The following FRA10AC1 variants were observed in gnomAD, a reference collection of about 807,000 sequenced individuals.
FRA10AC1 encodes protein FRA10AC1.
FRA10AC1 carries 43 observed loss-of-function variants against 56.5 expected under a neutral mutation model. The observed-to-expected ratio is 0.76, with a 90% confidence interval of 0.60 to 0.98. The LOEUF is 0.98. Among genes scored for constraint, FRA10AC1 ranks in the 50% least tolerant of loss-of-function variants. FRA10AC1 has a pLI of 0.00. For missense variants in FRA10AC1, 346 were observed against 351.8 expected, an observed-to-expected ratio of 0.98 and a Z score of 0.13; for synonymous variants, 112 against 110.5, an observed-to-expected ratio of 1.01 and a Z score of -0.09.
chr10:93,679,943 C>G (rs12780219), intron 11 of FRA10AC1, among the ~76,000 whole-genome samples: 61,763 of 151,914 alleles, frequency 0.41, 14,686 homozygotes, highest in Non-Finnish European at 0.52. Context: ...AGGATAATCC[C>G]CAGATTTCTG....
At chr10:93,684,694 A>G (rs1589720644) in intron 9 of FRA10AC1, among the ~76,000 whole-genome samples, 2 of 152,162 alleles carry the variant, frequency 1.3e-5, no homozygotes, top group East Asian at 3.8e-4. Context: ...CTAGAGGAAC[A>G]GCTGACACAT....
Position 93,692,646 on chromosome 10 carries a change from C to T in FRA10AC1, c.380G>A (p.Trp127Ter). ...WNEEDEMDMT[W>*]EKRLAKKYYD... The stretch of plus-strand genomic sequence containing the variant: ...CATTACGCCTCTGATGGCTAATTAC[C>T]AAGTCATGTCCATTTCGTCCTCCTC... Residue 127 changes from tryptophan (W) to a stop codon, truncating the protein, a stop_gained and splice_region_variant, in exon 6 of 14, where the codon TGG becomes TAG. Coordinates refer to ENST00000359204, the MANE Select transcript of FRA10AC1 (RefSeq NM_145246.5). LOFTEE classifies it high-confidence loss of function. 1 of 1,579,902 alleles carries T rather than the reference C, an allele frequency of 6.3e-7. No individual in the cohort carries two copies. Among genetic ancestry groups the T allele is most frequent in the South Asian group, 1.1e-5 (1 of 88,154 alleles).
At chr10:93,693,200 C>A (rs2059153242) in intron 5 of FRA10AC1, among the ~76,000 whole-genome samples, 3 of 143,438 alleles carry the variant, frequency 2.1e-5, no homozygotes, top group African/African-American at 5.2e-5. Flanking sequence ...AAAATGCTAA[C>A]AGTCTGGGGG....
rs2058707677 is a variant in FRA10AC1, at chr10:93,668,017, C to A, written c.*1809G>T. The A allele has an allele frequency of 6.6e-6, 1 of 152,148 alleles. No individual in the cohort carries two copies. Among genetic ancestry groups the A allele is most frequent in the African/African-American group, 2.4e-5 (1 of 41,416 alleles). The allele number at this position is 152,148 out of a possible 1,614,324, so 9.4% of individuals were successfully genotyped here. ...TGCATAATTACTTCCTAGATGGTTC[C>A]TTTACAGCCATGCCCAGCTCAGTGC... is the stretch of plus-strand genomic sequence containing the variant. On this transcript the variant is annotated 3_prime_UTR_variant, in exon 14 of 14. Transcript: ENST00000359204.
rs142701344 is a variant in FRA10AC1 at position 93,698,178 on chromosome 10, T to C, written c.177A>G (p.Glu59=). Residue 59 remains glutamate, a synonymous_variant, in exon 4 of 14, where the codon GAA becomes GAG. Coordinates refer to ENST00000359204, the MANE Select transcript of FRA10AC1 (RefSeq NM_145246.5). ...GATGAAACCTTCTATTTCTTGCTTCTTCCCTGTTAAAACAAATTTTTTTAA... is the reference window on the plus strand; with the variant it reads ...GATGAAACCTTCTATTTCTTGCTTCCTCCCTGTTAAAACAAATTTTTTTAA... ...KQVAAELLDR[E]EARNRRFHLI... is the part of the protein sequence containing the mutation. The C allele has an allele frequency of 2.5e-5, 39 of 1,583,782 alleles. No homozygotes were observed. The highest frequency in any genetic ancestry group is 3.2e-5 in the Non-Finnish European group (37 of 1,161,688).
In FRA10AC1 at chr10:93,668,971, T is replaced by C. The variant is rs1421724040; in HGVS notation, c.*855A>G. On this transcript the variant is annotated 3_prime_UTR_variant, in exon 14 of 14. Transcript: ENST00000359204. ...TTAAATTATCTTACTGCATAATCTC[T>C]GCCGGGGAGGCAATTTTTGTGAACA... The C allele has an allele frequency of 5.9e-5, 9 of 152,184 alleles. No homozygotes were observed. Among genetic ancestry groups the C allele is most frequent in the Admixed American group, 2.6e-4 (4 of 15,272 alleles). The allele number at this position is 152,184 out of a possible 1,614,324, so 9.4% of individuals were successfully genotyped here. A position where few individuals can be genotyped will look rare whatever the true frequency, so the allele number is the denominator to read the frequency against.
chr10:93,674,762 A>G (rs987135823), intron 12 of FRA10AC1: 13 of 152,158 alleles, frequency 8.5e-5, no homozygotes, highest in Non-Finnish European at 1.5e-5. Context: ...GAATAATATA[A>G]ATCAGTGATT....
chr10:93,685,558 C>A, intron 8 of FRA10AC1, 199 bp from the exon 9 acceptor site: 5 of 393,486 alleles, frequency 1.3e-5, no homozygotes, highest in East Asian at 4.7e-5. Context: ...AAATCAGTCA[C>A]AGAATTCTTG....
chr10:93,679,593 G>T (rs562678152), intron 11 of FRA10AC1, among the ~76,000 whole-genome samples: 1 of 152,138 alleles, frequency 6.6e-6, no homozygotes, highest in Non-Finnish European at 1.5e-5. Context: ...AGGCTACATG[G>T]GGGGAGTGTG....
chr10:93,700,607 G>C (rs2059314535), intron 1 of FRA10AC1, among the ~76,000 whole-genome samples: 1 of 152,170 alleles, frequency 6.6e-6, no homozygotes, highest in Non-Finnish European at 1.5e-5. Flanking sequence ...CTAATCTGCT[G>C]TACTTGATTC....
rs1192957627 is a variant in FRA10AC1, at chr10:93,692,079, G to T, written c.395C>A (p.Ala132Asp). ...AAATAATTTATCATAGTATTTCTTA[G>T]CAAGTCTCTTCTCCCTAGACCCATG... Reference protein sequence around the residue: ...EMDMTWEKRLAKKYYDKLFKE... With the variant: ...EMDMTWEKRLDKKYYDKLFKE... The change falls in exon 7 of 14, where the codon GCT becomes GAT. Residue 132 changes from alanine (A) to aspartate (D), a missense_variant. Physicochemically the swap from Ala to Asp is moderately radical, Grantham distance 126. Coordinates refer to ENST00000359204, the MANE Select transcript of FRA10AC1 (RefSeq NM_145246.5). 1 of 1,546,164 alleles carries T rather than the reference G, an allele frequency of 6.5e-7. No individual in the cohort carries two copies. The highest frequency in any genetic ancestry group is 8.7e-7 in the Non-Finnish European group (1 of 1,152,702).
At chr10:93,680,820 T>C (rs1282713883) in intron 11 of FRA10AC1, among the ~76,000 whole-genome samples, 1 of 152,174 alleles carries the variant, frequency 6.6e-6, no homozygotes, top group Non-Finnish European at 1.5e-5. Context: ...TCTGAACAAT[T>C]CTAAAAGGAA....
chr10:93,701,373 C>T (rs1250198680), intron 1 of FRA10AC1, among the ~76,000 whole-genome samples: 2 of 152,200 alleles, frequency 1.3e-5, no homozygotes, highest in Non-Finnish European at 2.9e-5. Flanking sequence ...AACTTCATTG[C>T]ATTGGATCTA....
rs143116391 is a variant in FRA10AC1 at position 93,675,592 on chromosome 10, C to T, written c.826+1061G>A. Reference sequence around the variant, plus strand: ...TAGTGATGGGTGTCTGCAGTCCCGGCGACTTGGGAGGCTGAGGCAGGAGAA... The same window carrying T: ...TAGTGATGGGTGTCTGCAGTCCCGGTGACTTGGGAGGCTGAGGCAGGAGAA... On this transcript the variant is annotated intron_variant, in intron 12 of 13. Transcript: ENST00000359204. 555 of 280,078 alleles carry T rather than the reference C, an allele frequency of 2.0e-3. 6 individuals are homozygous for T. Among genetic ancestry groups the T allele is most frequent in the African/African-American group, 0.012 (536 of 44,500 alleles). The allele number at this position is 280,078 out of a possible 1,614,324, so 17.3% of individuals were successfully genotyped here. A position where few individuals can be genotyped will look rare whatever the true frequency, so the allele number is the denominator to read the frequency against.
intron 12 of FRA10AC1, chr10:93,674,412 A>C (rs1258545277): frequency 3.3e-5 from 5 of 152,200 alleles, no homozygotes; most frequent in African/African-American, 7.2e-5. Flanking sequence ...AATTGCCAAG[A>C]CCATGTAATA....
At chr10:93,675,653 TG>T (rs1347267191) in intron 12 of FRA10AC1, 1 of 374,852 alleles carries the variant, frequency 2.7e-6, no homozygotes, top group Non-Finnish European at 5.7e-6. Flanking sequence ...TGCAGTCAGC[TG>T]AGATCGCGCC....
chr10:93,695,708 T>G (rs143539698), intron 4 of FRA10AC1, among the ~76,000 whole-genome samples: 10 of 151,980 alleles, frequency 6.6e-5, no homozygotes, highest in Non-Finnish European at 1.0e-4. Flanking sequence ...ATTTCCATAT[T>G]GTAACAAACC....
chr10:93,692,243 T>C (rs908638605), intron 6 of FRA10AC1, 150 bp from the exon 7 acceptor site: 4 of 585,922 alleles, frequency 6.8e-6, no homozygotes, highest in Non-Finnish European at 8.0e-6. Context: ...GGATATTAAC[T>C]ATTAAAAGTG....
chr10:93,697,682 ACAGG>A (rs2059255846), intron 4 of FRA10AC1, among the ~76,000 whole-genome samples: 1 of 152,212 alleles, frequency 6.6e-6, no homozygotes, highest in African/African-American at 2.4e-5. Context: ...AGGACAGTCC[ACAGG>A]CAGGCCTCAT....
Sources: allele counts gnomAD v4.1 joint callset (sites outside exome capture counted in the v4.1 genomes callset), GRCh38; gene constraint gnomAD v4.1.1; transcripts MANE v1.5; gene names NCBI Gene and HGNC (gene_info 2026-07-23, HGNC 2026-07-21).